The following PBX1 variants were observed in gnomAD, a reference collection of about 807,000 sequenced individuals.
The protein encoded by PBX1 is pre-B-cell leukemia transcription factor 1.
A neutral mutation model predicts 53.4 loss-of-function variants in PBX1; 6 were observed. The ratio of observed to expected loss-of-function variants is 0.11; its 90% CI spans 0.06 to 0.22. PBX1 has a LOEUF of 0.22. Ranked by LOEUF, PBX1 falls within the 10% of genes least tolerant of loss-of-function variation. PBX1 has a pLI of 1.00. For synonymous variants in PBX1, 204 were observed against 212.3 expected, an observed-to-expected ratio of 0.96 and a Z score of 0.34; for missense variants, 251 against 551.4, an observed-to-expected ratio of 0.46 and a Z score of 5.46.
chr1:164,625,522 C>T (rs759404911), intron 2 of PBX1, among the ~76,000 whole-genome samples: 18 of 152,096 alleles, frequency 1.2e-4, no homozygotes, highest in African/African-American at 2.7e-4. Flanking sequence ...TCTGTTATTA[C>T]GTCTGATGTT....
chr1:164,656,010 C>T (rs1262665786), intron 2 of PBX1, among the ~76,000 whole-genome samples: 1 of 152,004 alleles, frequency 6.6e-6, no homozygotes, highest in East Asian at 1.9e-4. Flanking sequence ...GACAGTTAGC[C>T]TTCAATTGCA....
rs532332373 is a variant in PBX1 at position 164,602,268 on chromosome 1, T to G, written c.265+38957T>G. Among the ~76,000 whole-genome samples, 33 of 152,288 alleles carry G rather than the reference T, an allele frequency of 2.2e-4. No homozygotes were observed. In the East Asian group the frequency reaches 5.6e-3, roughly 26 times the overall value. On this transcript the variant is annotated intron_variant, in intron 2 of 8. Coordinates refer to ENST00000420696, the MANE Select transcript of PBX1 (RefSeq NM_002585.4). ...TTAAGGGATGACTAGAAAGGCTTGC[T>G]GAAATTGCTATGGGAGGGCCCCACC...
At chr1:164,571,238 G>A (rs1653828593) in intron 2 of PBX1, among the ~76,000 whole-genome samples, 3 of 152,108 alleles carry the variant, frequency 2.0e-5, no homozygotes, top group Admixed American at 2.0e-4. Flanking sequence ...GTGGCTTTTA[G>A]TGTATTGACA....
chr1:164,782,913 G>A (rs932951255), intron 2 of PBX1, among the ~76,000 whole-genome samples: 4 of 152,102 alleles, frequency 2.6e-5, no homozygotes, highest in Non-Finnish European at 4.4e-5. Flanking sequence ...ACTTAAACAT[G>A]CTTCCTCAAA....
intron 2 of PBX1, among the ~76,000 whole-genome samples, chr1:164,664,078 A>G (rs1228750066): frequency 6.6e-6 from 1 of 152,212 alleles, no homozygotes. Flanking sequence ...TGAATTACCT[A>G]ATATTAATCT....
At chr1:164,870,266 C>CTTCCTTCCTTCG (rs71097553) in intron 2 of PBX1, among the ~76,000 whole-genome samples, 1 of 45,168 alleles carries the variant, frequency 2.2e-5, no homozygotes, top group Non-Finnish European at 4.8e-5. Context: ...TCCTTCCTTC[C>CTTCCTTCCTTCG]TTCTTTCTTT....
At chr1:164,753,698 A>C (rs1053301887) in intron 2 of PBX1, among the ~76,000 whole-genome samples, 1 of 152,174 alleles carries the variant, frequency 6.6e-6, no homozygotes. Flanking sequence ...CCCCAGGGCC[A>C]CTGTGGCTAG....
chr1:164,842,729 A>C (rs1256271617), intron 8 of PBX1, among the ~76,000 whole-genome samples: 1 of 152,194 alleles, frequency 6.6e-6, no homozygotes, highest in East Asian at 1.9e-4. Context: ...TTTAGCAATT[A>C]AAAGTGTACC....
At chr1:164,793,787 TA>T (rs1248587614) in intron 3 of PBX1, among the ~76,000 whole-genome samples, 1 of 151,858 alleles carries the variant, frequency 6.6e-6, no homozygotes, top group Non-Finnish European at 1.5e-5. Context: ...ATTGAATCAT[TA>T]GCTTTTCTTT....
intron 2 of PBX1, among the ~76,000 whole-genome samples, chr1:164,696,166 G>A (rs764746990): frequency 1.3e-5 from 2 of 152,180 alleles, no homozygotes; most frequent in Non-Finnish European, 2.9e-5. Flanking sequence ...ATGTACTAGA[G>A]TGTAGAGAGA....
chr1:164,853,625 C>T (rs1374593337), downstream of PBX1, among the ~76,000 whole-genome samples: 2 of 151,800 alleles, frequency 1.3e-5, no homozygotes, highest in Non-Finnish European at 2.9e-5. Flanking sequence ...TTTTTTCCGA[C>T]GTTCTCCAAA....
chr1:164,743,109 A>G (rs1292936040), intron 2 of PBX1, among the ~76,000 whole-genome samples: 2 of 152,184 alleles, frequency 1.3e-5, no homozygotes, highest in Non-Finnish European at 2.9e-5. Flanking sequence ...AGCTAGCCTA[A>G]AGGGGGTGCC....
intron 2 of PBX1, among the ~76,000 whole-genome samples, chr1:164,700,231 G>C (rs920760873): frequency 1.3e-5 from 2 of 152,056 alleles, no homozygotes; most frequent in African/African-American, 2.4e-5. Flanking sequence ...GTGTAGAGGA[G>C]TGGAGGCAAA....
At chr1:164,662,080 CTT>C (rs1660522563) in intron 2 of PBX1, among the ~76,000 whole-genome samples, 6 of 152,108 alleles carry the variant, frequency 3.9e-5, no homozygotes, top group Admixed American at 3.9e-4. Flanking sequence ...AATCCCAACA[CTT>C]TGGGAGGCCT....
At chr1:164,857,493 A>G (rs1672004503) in intron 2 of PBX1, among the ~76,000 whole-genome samples, 1 of 152,166 alleles carries the variant, frequency 6.6e-6, no homozygotes. Context: ...TGACTAAATC[A>G]TTGTCCATAG....
chr1:164,774,074 G>A (rs1667526389), intron 2 of PBX1, among the ~76,000 whole-genome samples: 1 of 152,184 alleles, frequency 6.6e-6, no homozygotes, highest in African/African-American at 2.4e-5. Context: ...ATTACTTTAA[G>A]GGAAAGCTAA....
At chr1:164,710,290 GT>G (rs765093466) in intron 2 of PBX1, among the ~76,000 whole-genome samples, 1 of 152,074 alleles carries the variant, frequency 6.6e-6, no homozygotes, top group Non-Finnish European at 1.5e-5. Flanking sequence ...TCTCTTTTCA[GT>G]TTTTTTCTTT....
Position 164,559,751 on chromosome 1 carries a change from G to A in PBX1, c.-72G>A. On this transcript the variant is annotated 5_prime_UTR_variant, in exon 1 of 9. Transcript: ENST00000420696. ...TGAAGACAAGCTTGAAGGATAAAAA[G>A]CCTTGGTGCTTCCCAGGAGCCGAGC... 4 of 1,192,202 alleles carry A rather than the reference G, an allele frequency of 3.4e-6. No individual in the cohort carries two copies. The highest frequency in any genetic ancestry group is 1.5e-5 in the South Asian group (1 of 66,108). 73.9% of individuals were successfully genotyped at this position (1,192,202 alleles called of 1,614,324 possible). A position where few individuals can be genotyped will look rare whatever the true frequency, so the allele number is the denominator to read the frequency against.
intron 2 of PBX1, among the ~76,000 whole-genome samples, chr1:164,753,819 C>T (rs927715747): frequency 2.6e-5 from 4 of 152,084 alleles, no homozygotes; most frequent in African/African-American, 4.8e-5. Flanking sequence ...ATTTGGGCCC[C>T]GGCAGTTTCC....
Sources: gnomAD v4.1 joint callset for allele counts (sites outside exome capture counted in the v4.1 genomes callset) on GRCh38, gnomAD v4.1.1 for gene constraint, MANE v1.5 for transcripts, NCBI Gene and HGNC (gene_info 2026-07-23, HGNC 2026-07-21) for gene names.